SYNE1: variants seen among roughly 807,000 people sequenced by gnomAD.
SYNE1 encodes spectrin repeat containing nuclear envelope protein 1, also known as nesprin-1.
A neutral mutation model predicts 1,111.0 loss-of-function variants in SYNE1; 616 were observed. That is an observed-to-expected ratio of 0.55 (90% CI 0.52 to 0.59). SYNE1 has a LOEUF of 0.59. Ranked by LOEUF, SYNE1 falls within the 20% of genes least tolerant of loss-of-function variation. SYNE1 has a pLI of 0.00. For synonymous variants in SYNE1, 3,855 were observed against 3,825.8 expected, an observed-to-expected ratio of 1.01 and a Z score of -0.28; for missense variants, 10,006 against 10,417.0, an observed-to-expected ratio of 0.96 and a Z score of 1.72.
At chr6:152,612,235 T>C (rs1565188863) in intron 3 of SYNE1, among the ~76,000 whole-genome samples, 1 of 151,704 alleles carries the variant, frequency 6.6e-6, no homozygotes, top group Non-Finnish European at 1.5e-5. Context: ...ATCAACAAAA[T>C]TGATAGACTG....
At position 152,331,228 on chromosome 6, in the gene SYNE1, G is replaced by T. The variant is rs2096241322; in HGVS notation, c.13457C>A (p.Pro4486Gln). ...TTTGACTTGTTTGCTCACATCATCTGGTAACAGACAGATGTGTTCACGGAA... is the reference window on the plus strand; with the variant it reads ...TTTGACTTGTTTGCTCACATCATCTTGTAACAGACAGATGTGTTCACGGAA... ...IMFREHICLL[P>Q]DDVSKQVKTC... The change falls in exon 78 of 146, where the codon CCA becomes CAA. Residue 4486 changes from proline (P) to glutamine (Q), a missense_variant. Pro to Gln is a moderately conservative substitution (Grantham distance 76). Coordinates refer to ENST00000367255, the MANE Select transcript of SYNE1 (RefSeq NM_182961.4). 6.2e-7 allele frequency: 1 copy of T among 1,613,828 alleles called. No homozygotes were observed. The highest frequency in any genetic ancestry group is 8.5e-7 in the Non-Finnish European group (1 of 1,180,022).
chr6:152,241,405 T>C (rs1045204728), intron 107 of SYNE1, among the ~76,000 whole-genome samples: 3 of 152,068 alleles, frequency 2.0e-5, no homozygotes, highest in African/African-American at 7.2e-5. Context: ...CAATGGGATT[T>C]TTTTAGTTTC....
At chr6:152,490,560 G>A (rs933941428) in intron 11 of SYNE1, among the ~76,000 whole-genome samples, 5 of 151,972 alleles carry the variant, frequency 3.3e-5, no homozygotes, top group African/African-American at 9.7e-5. Flanking sequence ...TGTAACCCCT[G>A]CCTCTGTCTG....
intron 98 of SYNE1, among the ~76,000 whole-genome samples, chr6:152,277,269 T>C (rs1375694565): frequency 3.2e-5 from 4 of 124,166 alleles, no homozygotes; most frequent in South Asian, 6.1e-4. Context: ...TTTTTCTTTT[T>C]TTTTTTTTTT....
intron 3 of SYNE1, among the ~76,000 whole-genome samples, chr6:152,618,415 T>C (rs190437437): frequency 6.6e-6 from 1 of 152,140 alleles, no homozygotes; most frequent in Non-Finnish European, 1.5e-5. Context: ...AGATAGGTCC[T>C]GAGAATCTCA....
chr6:152,451,205 C>A lies in SYNE1; in HGVS notation c.3028G>T (p.Asp1010Tyr). ...AVRKLHKQWK[D>Y]LQGEAPYHLL... ...TGATAAGGGGCTTCTCCTTGAAGAT[C>A]CTACATTCCATAGGAAGATTCAGAA... Residue 1010 changes from aspartate (D) to tyrosine (Y), a missense_variant and splice_region_variant, in exon 26 of 146, where the codon GAT (aspartate) becomes TAT (tyrosine). Coordinates refer to ENST00000367255, the MANE Select transcript of SYNE1 (RefSeq NM_182961.4). 1 of 1,613,954 alleles carries A rather than the reference C, an allele frequency of 6.2e-7. No individual in the cohort carries two copies. The highest frequency in any genetic ancestry group is 8.5e-7 in the Non-Finnish European group (1 of 1,179,970).
intron 74 of SYNE1, among the ~76,000 whole-genome samples, chr6:152,341,720 A>G (rs1489215365): frequency 6.6e-6 from 1 of 152,208 alleles, no homozygotes; most frequent in African/African-American, 2.4e-5. Flanking sequence ...TTTTACATGA[A>G]CACAGTAAGT....
In SYNE1 at chr6:152,267,787, C is replaced by T. The variant is rs148374434; in HGVS notation, c.18815+269G>A. On this transcript the variant is annotated intron_variant, in intron 100 of 145. Coordinates refer to ENST00000367255, the MANE Select transcript of SYNE1 (RefSeq NM_182961.4). ...TCTCATTTATAATGCATTTCTTATTCGATTAAAAAGATGAACTCATGAGCA... is the reference window on the plus strand; with the variant it reads ...TCTCATTTATAATGCATTTCTTATTTGATTAAAAAGATGAACTCATGAGCA... Among the ~76,000 whole-genome samples, 1,028 of 152,132 alleles carry T rather than the reference C, an allele frequency of 6.8e-3. 13 individuals carry two copies. The highest frequency in any genetic ancestry group is 0.023 in the African/African-American group (969 of 41,472).
At chr6:152,635,769 T>C (rs1248863366) in intron 2 of SYNE1, among the ~76,000 whole-genome samples, 2 of 152,230 alleles carry the variant, frequency 1.3e-5, no homozygotes, top group African/African-American at 4.8e-5. Context: ...ATACAAGTTT[T>C]CCACCCCAAA....
chr6:152,270,377 G>C (rs1193722061), intron 98 of SYNE1, among the ~76,000 whole-genome samples: 2 of 152,118 alleles, frequency 1.3e-5, no homozygotes, highest in Non-Finnish European at 2.9e-5. Flanking sequence ...TGAGATCTCT[G>C]AAAAAGTACC....
At chr6:152,224,472 A>T in intron 117 of SYNE1, 22 bp downstream of exon 117, 1 of 1,610,260 alleles carries the variant, frequency 6.2e-7, no homozygotes, top group Non-Finnish European at 8.5e-7. Flanking sequence ...AACGTTAAGG[A>T]TGTGTTAAAT....
intron 125 of SYNE1, among the ~76,000 whole-genome samples, chr6:152,207,667 A>G (rs2076763992): frequency 6.6e-6 from 1 of 152,218 alleles, no homozygotes; most frequent in South Asian, 2.1e-4. Context: ...AAATGTATGC[A>G]AGCAACATGA....
intron 127 of SYNE1, among the ~76,000 whole-genome samples, chr6:152,191,695 T>G (rs2072440963): frequency 6.6e-6 from 1 of 152,162 alleles, no homozygotes; most frequent in Non-Finnish European, 1.5e-5. Flanking sequence ...TTTCAAAAAA[T>G]AAACTTTTCA....
chr6:152,482,995 C>A, intron 14 of SYNE1, 90 bp downstream of exon 14: 1 of 1,409,670 alleles, frequency 7.1e-7, no homozygotes, highest in Non-Finnish European at 1.0e-6. Context: ...ATATTTGGGG[C>A]GTCCCCGCCA....
At chr6:152,231,283 T>A in intron 114 of SYNE1, 108 bp downstream of exon 114, 1 of 1,207,174 alleles carries the variant, frequency 8.3e-7, no homozygotes, top group Non-Finnish European at 1.2e-6. Context: ...TTGGAAGCGT[T>A]CTTTGCCCAG....
chr6:152,381,461 GT>G, intron 55 of SYNE1, 99 bp from the exon 56 acceptor site: 1 of 1,191,712 alleles, frequency 8.4e-7, no homozygotes, highest in Non-Finnish European at 1.2e-6. Flanking sequence ...CTGCCAGGAA[GT>G]TTTAACAAGT....
intron 75 of SYNE1, among the ~76,000 whole-genome samples, chr6:152,338,079 C>T (rs1016264078): frequency 4.0e-5 from 6 of 151,838 alleles, no homozygotes; most frequent in East Asian, 3.9e-4. Context: ...ATGTGGGAGG[C>T]GGAGGTTGCA....
rs575189713 is a variant in SYNE1, at chr6:152,318,051, C to T, written c.16572+30G>A. The T allele has an allele frequency of 2.5e-6, 4 of 1,613,928 alleles. No homozygotes were observed. In the South Asian group the frequency reaches 3.3e-5, roughly 13 times the overall value. On this transcript the variant is annotated intron_variant, in intron 86 of 145. Coordinates refer to ENST00000367255, the MANE Select transcript of SYNE1 (RefSeq NM_182961.4). ...AGAACATGGAAGTTTCTGCCTTACA[C>T]GATTTGGATTTCTGGCCCGGAACAC...
chr6:152,627,583 G>C (rs1400971087), intron 3 of SYNE1, among the ~76,000 whole-genome samples: 2 of 152,124 alleles, frequency 1.3e-5, no homozygotes, highest in Non-Finnish European at 2.9e-5. Flanking sequence ...GCTTGAACAG[G>C]GAGATGGAGG....
Sources: gnomAD v4.1 joint callset for allele counts (sites outside exome capture counted in the v4.1 genomes callset) on GRCh38, gnomAD v4.1.1 for gene constraint, MANE v1.5 for transcripts, NCBI Gene and HGNC (gene_info 2026-07-23, HGNC 2026-07-21) for gene names.